Variants in LURAP1L observed in about 807,000 individuals in gnomAD.
LURAP1L encodes the protein leucine rich adaptor protein 1 like, also known as leucine rich adaptor protein 1-like.
Under a neutral mutation model 13.8 loss-of-function variants are expected in LURAP1L, and 12 were observed. The ratio of observed to expected loss-of-function variants is 0.87; its 90% confidence interval spans 0.56 to 1.41. The LOEUF (loss-of-function observed/expected upper bound fraction) is 1.41, where lower values mean the gene tolerates loss of function less well. Ranked by LOEUF, LURAP1L falls within the 40% of genes most tolerant of loss-of-function variation. The probability of loss-of-function intolerance (pLI) is 0.00; values close to 1 mark genes in which losing one functional copy is unlikely to be tolerated. For missense variants in LURAP1L, 375 were observed against 292.9 expected, an observed-to-expected ratio of 1.28 and a Z score of -2.04; for synonymous variants, 139 against 119.2, an observed-to-expected ratio of 1.17 and a Z score of -1.08.
intron 1 of LURAP1L, among the ~76,000 whole-genome samples, chr9:12,785,540 C>T (rs1004957132): frequency 6.6e-6 from 1 of 152,206 alleles, no homozygotes; most frequent in Non-Finnish European, 1.5e-5. Flanking sequence ...CAAATTCTGA[C>T]TTCTGGCATA....
intron 1 of LURAP1L, among the ~76,000 whole-genome samples, chr9:12,784,262 A>G (rs1819317507): frequency 1.3e-5 from 2 of 152,096 alleles, no homozygotes; most frequent in South Asian, 2.1e-4. Context: ...TTGAGTGTTC[A>G]TCAATGTCTG....
At chr9:12,819,168 C>T (rs895563637) in intron 1 of LURAP1L, among the ~76,000 whole-genome samples, 4 of 152,126 alleles carry the variant, frequency 2.6e-5, no homozygotes, top group Admixed American at 6.6e-5. Flanking sequence ...TGTTCATGAA[C>T]GTCTCAGTGA....
At chr9:12,799,152 C>A (rs925807695) in intron 1 of LURAP1L, among the ~76,000 whole-genome samples, 2 of 152,158 alleles carry the variant, frequency 1.3e-5, no homozygotes, top group African/African-American at 4.8e-5. Context: ...CCATTTCTAG[C>A]ACTAAGTGGT....
intron 1 of LURAP1L, among the ~76,000 whole-genome samples, chr9:12,807,420 C>G (rs1586884795): frequency 6.6e-6 from 1 of 152,120 alleles, no homozygotes; most frequent in Non-Finnish European, 1.5e-5. Flanking sequence ...CCAGGCAACA[C>G]AGTTTGAAGG....
At chr9:12,780,581 T>C (rs1819255718) in intron 1 of LURAP1L, among the ~76,000 whole-genome samples, 1 of 152,156 alleles carries the variant, frequency 6.6e-6, no homozygotes, top group Non-Finnish European at 1.5e-5. Context: ...AGAACCACTG[T>C]GAGCCTGGCT....
At chr9:12,788,895 C>CTA (rs34773230) in intron 1 of LURAP1L, among the ~76,000 whole-genome samples, 11,495 of 147,510 alleles carry the variant, frequency 0.078, 453 homozygotes, top group Middle Eastern at 0.17. Flanking sequence ...GACCCTATAT[C>CTA]TATATATATA....
chr9:12,792,300 G>A (rs1231620470), intron 1 of LURAP1L, among the ~76,000 whole-genome samples: 1 of 152,088 alleles, frequency 6.6e-6, no homozygotes, highest in Non-Finnish European at 1.5e-5. Flanking sequence ...AGGAAAGTGA[G>A]AATGAAAGAC....
Position 12,775,570 on chromosome 9 carries a change from G to A in LURAP1L, c.-146G>A. 2 of 1,348,632 alleles carry A rather than the reference G, an allele frequency of 1.5e-6. No homozygotes were observed. The highest frequency in any genetic ancestry group is 1.9e-6 in the Non-Finnish European group (2 of 1,028,384). The allele number at this position is 1,348,632 out of a possible 1,614,324, so 83.5% of individuals were successfully genotyped here. Reference sequence around the variant, plus strand: ...TTTCAGGGCTGATACCGCATAGGCGGTTATGGAAAGGACGGTACACCGGAG... The same window carrying A: ...TTTCAGGGCTGATACCGCATAGGCGATTATGGAAAGGACGGTACACCGGAG... On this transcript the variant is annotated 5_prime_UTR_variant, in exon 1 of 2. Transcript: ENST00000319264.
chr9:12,817,524 T>C (rs1400240490), intron 1 of LURAP1L, among the ~76,000 whole-genome samples: 1 of 152,204 alleles, frequency 6.6e-6, no homozygotes, highest in East Asian at 1.9e-4. Context: ...AAATGTAATA[T>C]TAATCAAGGC....
intron 1 of LURAP1L, among the ~76,000 whole-genome samples, chr9:12,794,375 T>G (rs944565748): frequency 3.3e-5 from 5 of 152,074 alleles, no homozygotes; most frequent in African/African-American, 9.7e-5. Flanking sequence ...TAAATATCAT[T>G]AAGTTGATTT....
chr9:12,786,595 T>G (rs936779788), intron 1 of LURAP1L, among the ~76,000 whole-genome samples: 5 of 114,178 alleles, frequency 4.4e-5, no homozygotes, highest in African/African-American at 1.7e-4. Flanking sequence ...CCCTTGTGCC[T>G]TAAGTCTGTA....
chr9:12,788,833 G>C (rs1052122550), intron 1 of LURAP1L, among the ~76,000 whole-genome samples: 5 of 151,598 alleles, frequency 3.3e-5, no homozygotes, highest in Non-Finnish European at 7.4e-5. Context: ...AGTTTGGTAA[G>C]AAAAACTATT....
rs543320604 is a variant in LURAP1L at position 12,795,859 on chromosome 9, A to G, written c.312+19832A>G. The stretch of plus-strand genomic sequence containing the variant: ...ACTTTTGGAATAGTCATAAACAAGA[A>G]AGCACACTGTTGATTACTGAGGAAT... On this transcript the variant is annotated intron_variant, in intron 1 of 1. Transcript: ENST00000319264. Among the ~76,000 whole-genome samples, 4 of 152,218 alleles carry G rather than the reference A, an allele frequency of 2.6e-5. 1 individual carries two copies. The South Asian group carries it at 8.3e-4, about 32-fold the overall frequency.
chr9:12,795,684 C>A (rs1819502788), intron 1 of LURAP1L, among the ~76,000 whole-genome samples: 1 of 152,120 alleles, frequency 6.6e-6, no homozygotes, highest in African/African-American at 2.4e-5. Context: ...GCAACACGAC[C>A]ACTTGTAGTT....
chr9:12,811,317 T>A lies in LURAP1L; in HGVS notation c.313-10069T>A, dbSNP rs1819732746. Among the ~76,000 whole-genome samples, 3 of 152,242 alleles carry A rather than the reference T, an allele frequency of 2.0e-5. 1 individual carries two copies. Among genetic ancestry groups the A allele is most frequent in the Admixed American group, 2.0e-4 (3 of 15,278 alleles). On this transcript the variant is annotated intron_variant, in intron 1 of 1. Transcript: ENST00000319264. ...TATCTAAGTTTAGTCTATTATCTTA[T>A]CAATGTATACCCTACTTTCATGACC...
intron 1 of LURAP1L, among the ~76,000 whole-genome samples, chr9:12,806,478 G>A (rs1223207527): frequency 6.6e-6 from 1 of 151,738 alleles, no homozygotes; most frequent in South Asian, 2.1e-4. Context: ...GGTCAATTCA[G>A]TAGTAAACAG....
At position 12,821,721 on chromosome 9, in the gene LURAP1L, G is replaced by C; in HGVS notation, c.648G>C (p.Lys216Asn). The C allele has an allele frequency of 6.2e-7, 1 of 1,614,098 alleles. No individual in the cohort carries two copies. The highest frequency in any genetic ancestry group is 1.1e-5 in the South Asian group (1 of 91,078). The change falls in exon 2 of 2, where the codon AAG (lysine) becomes AAC (asparagine). Residue 216 changes from lysine (K) to asparagine (N), a missense_variant. Coordinates refer to ENST00000319264, the MANE Select transcript of LURAP1L (RefSeq NM_203403.2). ...TAGAGGACTCACAGGCACTACACAAGCGTCCTAAATTGGATTCTGAATACT... is the reference window on the plus strand; with the variant it reads ...TAGAGGACTCACAGGCACTACACAACCGTCCTAAATTGGATTCTGAATACT... ...SLIEDSQALH[K>N]RPKLDSEYYC...
rs1448967360 is a variant in LURAP1L at position 12,808,598 on chromosome 9, T to C, written c.313-12788T>C. On this transcript the variant is annotated intron_variant, in intron 1 of 1. Coordinates refer to ENST00000319264, the MANE Select transcript of LURAP1L (RefSeq NM_203403.2). ...ATGGTTTCTGAGTATAAGTTTGGTG[T>C]AAATCTTATACTTGTGCAACTGTAG... 2.6e-5 allele frequency among the ~76,000 whole-genome samples: 4 copies of C among 152,192 alleles called. No individual in the cohort carries two copies. In the East Asian group the frequency reaches 7.7e-4, roughly 29 times the overall value.
At chr9:12,788,895 CTA>C (rs34773230) in intron 1 of LURAP1L, among the ~76,000 whole-genome samples, 38 of 147,494 alleles carry the variant, frequency 2.6e-4, no homozygotes, top group Admixed American at 3.4e-4. Context: ...GACCCTATAT[CTA>C]TATATATATA....
Sources: gnomAD v4.1 joint callset for allele counts (sites outside exome capture counted in the v4.1 genomes callset) on GRCh38, gnomAD v4.1.1 for gene constraint, MANE v1.5 for transcripts, NCBI Gene and HGNC (gene_info 2026-07-23, HGNC 2026-07-21) for gene names.